Variants in CFAP299 observed in about 807,000 individuals in gnomAD.
CFAP299 encodes cilia- and flagella-associated protein 299.
A neutral mutation model predicts 27.0 loss-of-function variants in CFAP299; 21 were observed. The ratio of observed to expected loss-of-function variants is 0.78; its 90% CI spans 0.55 to 1.12. The LOEUF (loss-of-function observed/expected upper bound fraction) is 1.12, where lower values mean the gene tolerates loss of function less well. Among genes scored for constraint, CFAP299 ranks in the 50% most tolerant of loss-of-function variants. CFAP299 has a pLI of 0.00. For missense variants in CFAP299, 310 were observed against 276.6 expected (o/e 1.12, Z -0.86); for synonymous variants, 104 against 98.1 (o/e 1.06, Z -0.36).
chr4:80,409,050 A>AAAAAAGAGAG (rs899527410), intron 2 of CFAP299, among the ~76,000 whole-genome samples: 1 of 151,288 alleles, frequency 6.6e-6, no homozygotes, highest in Admixed American at 6.6e-5. Context: ...AAAAAAAAAA[A>AAAAAAGAGAG]AAAGAGAGAA....
At chr4:80,441,686 G>T (rs569671354) in intron 2 of CFAP299, among the ~76,000 whole-genome samples, 1 of 152,170 alleles carries the variant, frequency 6.6e-6, no homozygotes, top group African/African-American at 2.4e-5. Context: ...TAATGACAGG[G>T]TTAAATTCAC....
chr4:80,448,570 A>G (rs1728750173), intron 2 of CFAP299, among the ~76,000 whole-genome samples: 1 of 152,150 alleles, frequency 6.6e-6, no homozygotes, highest in Non-Finnish European at 1.5e-5. Context: ...TTTAACATAA[A>G]TGCTTAGAAA....
chr4:80,418,332 T>A (rs1251373703), intron 2 of CFAP299, among the ~76,000 whole-genome samples: 2 of 152,148 alleles, frequency 1.3e-5, no homozygotes, highest in Non-Finnish European at 2.9e-5. Context: ...CTATTTCACC[T>A]AAAGAATTTC....
Position 80,587,502 on chromosome 4 carries a change from G to A in CFAP299, c.333+4319G>A, listed in dbSNP as rs557432594. The stretch of plus-strand genomic sequence containing the variant: ...CCTGAGTTTCCCCACCCAAAGTATG[G>A]GGATAATAATTTTCACACTGCTGAG... On this transcript the variant is annotated intron_variant, in intron 3 of 5. Coordinates refer to ENST00000358105, the MANE Select transcript of CFAP299 (RefSeq NM_152770.3). Among the ~76,000 whole-genome samples the A allele has an allele frequency of 8.5e-4, 130 of 152,164 alleles. 1 individual carries two copies. Among genetic ancestry groups the A allele is most frequent in the African/African-American group, 3.1e-3 (128 of 41,506 alleles).
At chr4:80,490,330 C>A (rs1731051167) in intron 2 of CFAP299, among the ~76,000 whole-genome samples, 1 of 152,164 alleles carries the variant, frequency 6.6e-6, no homozygotes, top group Non-Finnish European at 1.5e-5. Flanking sequence ...CCAAAAAATG[C>A]AAAATAATCA....
At chr4:80,740,207 G>T (rs187145577) in intron 3 of CFAP299, among the ~76,000 whole-genome samples, 11 of 152,206 alleles carry the variant, frequency 7.2e-5, no homozygotes, top group Non-Finnish European at 1.5e-4. Context: ...GTATGGTGTT[G>T]ACACTTGTAA....
chr4:80,442,395 A>C (rs1728402002), intron 2 of CFAP299, among the ~76,000 whole-genome samples: 1 of 152,238 alleles, frequency 6.6e-6, no homozygotes, highest in Admixed American at 6.5e-5. Flanking sequence ...ACTCAGGATT[A>C]AGAAACTCAC....
chr4:80,842,501 G>T (rs1359351127), intron 3 of CFAP299, among the ~76,000 whole-genome samples: 1 of 151,998 alleles, frequency 6.6e-6, no homozygotes, highest in Non-Finnish European at 1.5e-5. Context: ...AATAAAATGG[G>T]GATAAGTGTG....
At chr4:80,425,458 G>C (rs1051129835) in intron 2 of CFAP299, among the ~76,000 whole-genome samples, 22 of 152,118 alleles carry the variant, frequency 1.4e-4, no homozygotes, top group Non-Finnish European at 2.5e-4. Context: ...AAGTAGCTTT[G>C]GGGATACCTT....
At chr4:80,692,826 T>C (rs191414795) in intron 3 of CFAP299, among the ~76,000 whole-genome samples, 24 of 152,178 alleles carry the variant, frequency 1.6e-4, no homozygotes, top group East Asian at 5.8e-4. Flanking sequence ...CCAGAATCTA[T>C]AATGAACTCA....
intron 4 of CFAP299, among the ~76,000 whole-genome samples, chr4:80,938,673 A>G (rs1737046027): frequency 6.6e-6 from 1 of 152,120 alleles, no homozygotes; most frequent in Non-Finnish European, 1.5e-5. Context: ...CTGCTAGGTT[A>G]GGGTCTCCCC....
chr4:80,773,471 A>G (rs13105231), intron 3 of CFAP299, among the ~76,000 whole-genome samples: 1 of 152,164 alleles, frequency 6.6e-6, no homozygotes, highest in Admixed American at 6.6e-5. Flanking sequence ...CAAGTGGACC[A>G]GCTTTTTTTA....
In CFAP299 at chr4:80,688,914, G is replaced by A. The variant is rs1054024991; in HGVS notation, c.333+105731G>A. On this transcript the variant is annotated intron_variant, in intron 3 of 5. Transcript: ENST00000358105. Reference sequence around the variant, plus strand: ...GAAGAATGCAGAAGCCTCAGGAGCCGATGCGATCAACTGGAAGAAAGGGTA... The same window carrying A: ...GAAGAATGCAGAAGCCTCAGGAGCCAATGCGATCAACTGGAAGAAAGGGTA... Among the ~76,000 whole-genome samples the A allele has an allele frequency of 1.1e-4, 17 of 152,104 alleles. No homozygotes were observed. In the East Asian group the frequency reaches 3.1e-3, roughly 28 times the overall value.
intron 2 of CFAP299, among the ~76,000 whole-genome samples, chr4:80,377,142 T>C (rs1286322566): frequency 6.6e-6 from 1 of 152,166 alleles, no homozygotes; most frequent in Admixed American, 6.5e-5. Flanking sequence ...AGTTTTTCTT[T>C]AAGGTTCATG....
chr4:80,836,282 TA>T (rs1730556110), intron 3 of CFAP299, among the ~76,000 whole-genome samples: 1 of 152,220 alleles, frequency 6.6e-6, no homozygotes, highest in Non-Finnish European at 1.5e-5. Flanking sequence ...ATGCTGCTTA[TA>T]AAAAATTACC....
intron 4 of CFAP299, among the ~76,000 whole-genome samples, chr4:80,926,946 T>G (rs1736339306): frequency 6.6e-6 from 1 of 152,096 alleles, no homozygotes; most frequent in Admixed American, 6.6e-5. Flanking sequence ...GAATGTTTCC[T>G]CTTCTTGATT....
chr4:80,591,801 A>G (rs1267837144), intron 3 of CFAP299, among the ~76,000 whole-genome samples: 2 of 152,234 alleles, frequency 1.3e-5, no homozygotes. Context: ...GAGATACTGC[A>G]GGACCATTTC....
At chr4:80,336,721 G>T (rs1722166075) in intron 1 of CFAP299, 1 of 152,246 alleles carries the variant, frequency 6.6e-6, no homozygotes, top group African/African-American at 2.4e-5. Flanking sequence ...CAAACTTCCC[G>T]GATAGGCCCA....
intron 3 of CFAP299, among the ~76,000 whole-genome samples, chr4:80,724,608 A>T (rs543248756): frequency 1.3e-5 from 2 of 152,220 alleles, no homozygotes; most frequent in African/African-American, 4.8e-5. Flanking sequence ...AAATAACAAT[A>T]AAAAGCAGGC....
Sources: allele counts gnomAD v4.1 joint callset (sites outside exome capture counted in the v4.1 genomes callset), GRCh38; gene constraint gnomAD v4.1.1; transcripts MANE v1.5; gene names NCBI Gene and HGNC (gene_info 2026-07-23, HGNC 2026-07-21).